The following CHN1 variants were observed in gnomAD, a reference collection of about 807,000 sequenced individuals.
The protein encoded by CHN1 is chimerin 1, also known as N-chimaerin.
Under a neutral mutation model 59.5 loss-of-function variants are expected in CHN1, and 37 were observed. The ratio of observed to expected loss-of-function variants is 0.62; its 90% CI spans 0.48 to 0.82. The LOEUF (loss-of-function observed/expected upper bound fraction) is 0.82. Among genes scored for constraint, CHN1 ranks in the 40% least tolerant of loss-of-function variants. The pLI is 0.00. For synonymous variants in CHN1, 206 were observed against 200.4 expected (o/e 1.03, Z -0.24); for missense variants, 469 against 571.0 (o/e 0.82, Z 1.82).
At position 175,005,154 on chromosome 2, in the gene CHN1, C is replaced by T. The variant is rs1186644865; in HGVS notation, c.-242G>A. 41 of 1,287,096 alleles carry T rather than the reference C, an allele frequency of 3.2e-5. No individual in the cohort carries two copies. The South Asian group carries it at 7.2e-4, about 23-fold the overall frequency. 79.7% of individuals were successfully genotyped at this position (1,287,096 alleles called of 1,614,324 possible). On this transcript the variant is annotated 5_prime_UTR_variant, in exon 1 of 13. Transcript: ENST00000409900. ...GGGAGCCCCGCTAGCTCTCCGCGAG[C>T]CGGCACTTGTCGCTGCCATCAGGCG...
In CHN1 at chr2:174,884,794, A is replaced by G. The variant is rs548350608; in HGVS notation, c.261-6666T>C. ...TATCACATGATTTTTCCCTCTTGAA[A>G]ATTGTTAATGGTTCACTATTGCCTA... On this transcript the variant is annotated intron_variant, in intron 5 of 12. Transcript: ENST00000409900. Among the ~76,000 whole-genome samples, 6 of 152,288 alleles carry G rather than the reference A, an allele frequency of 3.9e-5. No individual in the cohort carries two copies. The East Asian group carries it at 7.7e-4, about 20-fold the overall frequency.
chr2:174,941,919 G>A (rs111454307), intron 3 of CHN1, among the ~76,000 whole-genome samples: 5 of 152,042 alleles, frequency 3.3e-5, no homozygotes, highest in African/African-American at 4.8e-5. Flanking sequence ...ATGAAAAAAC[G>A]CTCAGTATCA....
chr2:174,935,100 C>T (rs1300369806), intron 3 of CHN1, among the ~76,000 whole-genome samples: 1 of 152,164 alleles, frequency 6.6e-6, no homozygotes, highest in Non-Finnish European at 1.5e-5. Context: ...TTACTAATGC[C>T]TGGTTAGCTT....
chr2:174,939,998 A>G (rs1023571968), intron 3 of CHN1, among the ~76,000 whole-genome samples: 1 of 152,054 alleles, frequency 6.6e-6, no homozygotes, highest in African/African-American at 2.4e-5. Flanking sequence ...ATTTTTATCA[A>G]TAGAGAAATA....
intron 8 of CHN1, among the ~76,000 whole-genome samples, chr2:174,820,617 C>T (rs898472909): frequency 3.9e-5 from 6 of 152,158 alleles, no homozygotes; most frequent in Non-Finnish European, 8.8e-5. Flanking sequence ...CCTTGCACTG[C>T]GTGGTTTTGA....
At chr2:174,966,404 C>T (rs969694173) in intron 1 of CHN1, among the ~76,000 whole-genome samples, 1 of 151,704 alleles carries the variant, frequency 6.6e-6, no homozygotes, top group South Asian at 2.1e-4. Context: ...TCAAAGATCA[C>T]AGAAAAAAAT....
intron 2 of CHN1, among the ~76,000 whole-genome samples, chr2:174,951,554 T>C (rs1189164866): frequency 1.3e-5 from 2 of 152,242 alleles, no homozygotes; most frequent in African/African-American, 2.4e-5. Context: ...TTAGCCCTAT[T>C]TGAACTTTTA....
chr2:174,820,181 C>T (rs1342848730), intron 8 of CHN1, among the ~76,000 whole-genome samples: 1 of 152,068 alleles, frequency 6.6e-6, no homozygotes, highest in Non-Finnish European at 1.5e-5. Flanking sequence ...TGGGTATATA[C>T]CCAGTAATGG....
chr2:174,940,423 C>A (rs975743083), intron 3 of CHN1, among the ~76,000 whole-genome samples: 1 of 152,040 alleles, frequency 6.6e-6, no homozygotes, highest in Non-Finnish European at 1.5e-5. Context: ...CAATTGTACT[C>A]AAAATTTATA....
At chr2:174,916,208 AT>A (rs1313899308) in intron 4 of CHN1, among the ~76,000 whole-genome samples, 1 of 152,060 alleles carries the variant, frequency 6.6e-6, no homozygotes, top group Non-Finnish European at 1.5e-5. Flanking sequence ...ACAAACTATC[AT>A]TTACCTTCCC....
intron 1 of CHN1, among the ~76,000 whole-genome samples, chr2:174,991,201 C>T (rs1691538648): frequency 6.6e-6 from 1 of 152,158 alleles, no homozygotes; most frequent in Admixed American, 6.5e-5. Flanking sequence ...GCTAACCCAC[C>T]AGGGTCTGAA....
At chr2:174,977,789 A>T (rs1392101623) in intron 1 of CHN1, among the ~76,000 whole-genome samples, 1 of 152,218 alleles carries the variant, frequency 6.6e-6, no homozygotes, top group African/African-American at 2.4e-5. Context: ...TAATTGCAAG[A>T]TATAATGACT....
intron 5 of CHN1, among the ~76,000 whole-genome samples, chr2:174,879,484 C>T (rs1687670235): frequency 1.3e-5 from 2 of 152,172 alleles, no homozygotes; most frequent in East Asian, 1.9e-4. Context: ...CATATAATTA[C>T]ACTTTCTTGT....
At chr2:174,811,710 T>C (rs1223083865) in intron 9 of CHN1, 122 bp from the exon 10 acceptor site, 1 of 584,540 alleles carries the variant, frequency 1.7e-6, no homozygotes, top group Admixed American at 3.4e-5. Context: ...TAGAAATCTT[T>C]TCACACTCTT....
intron 6 of CHN1, among the ~76,000 whole-genome samples, chr2:174,854,147 CAAT>C (rs1473974715): frequency 6.6e-6 from 1 of 152,104 alleles, no homozygotes; most frequent in Non-Finnish European, 1.5e-5. Context: ...TTGCATTTTA[CAAT>C]AAAGTGTTTA....
intron 8 of CHN1, among the ~76,000 whole-genome samples, chr2:174,815,329 G>C (rs1183959210): frequency 6.6e-6 from 1 of 151,960 alleles, no homozygotes; most frequent in Non-Finnish European, 1.5e-5. Flanking sequence ...AGTGAGCTAT[G>C]ATCACACCAC....
intron 1 of CHN1, among the ~76,000 whole-genome samples, chr2:174,967,760 T>C (rs375647475): frequency 2.0e-5 from 3 of 152,296 alleles, no homozygotes; most frequent in East Asian, 3.9e-4. Flanking sequence ...CTATATAACC[T>C]CCTTAACCTT....
chr2:174,873,255 G>T (rs937819462), intron 6 of CHN1, among the ~76,000 whole-genome samples: 2 of 152,120 alleles, frequency 1.3e-5, no homozygotes, highest in Non-Finnish European at 2.9e-5. Flanking sequence ...TGTAAACTTG[G>T]GGGAGAGCGA....
At chr2:174,875,711 G>T in intron 6 of CHN1, 1 of 594,016 alleles carries the variant, frequency 1.7e-6, no homozygotes, top group Non-Finnish European at 2.1e-6. Context: ...GCTATTAAGG[G>T]CCCATTAAAT....
Sources: allele counts gnomAD v4.1 joint callset (sites outside exome capture counted in the v4.1 genomes callset), GRCh38; gene constraint gnomAD v4.1.1; transcripts MANE v1.5; gene names NCBI Gene and HGNC (gene_info 2026-07-23, HGNC 2026-07-21).